TOX: variants seen among roughly 807,000 people sequenced by gnomAD.
The protein encoded by TOX is thymocyte selection associated high mobility group box, also known as thymocyte selection-associated high mobility group box protein TOX.
TOX carries 11 observed loss-of-function variants against 53.7 expected under a neutral mutation model. The observed-to-expected ratio is 0.20, with a 90% CI of 0.13 to 0.34. TOX has a LOEUF of 0.34. TOX is among the 10% of genes least tolerant of loss of function. TOX has a pLI of 1.00. For missense variants in TOX, 570 were observed against 664.6 expected, an observed-to-expected ratio of 0.86 and a Z score of 1.56; for synonymous variants, 225 against 245.3, an observed-to-expected ratio of 0.92 and a Z score of 0.77.
At chr8:58,981,128 G>A (rs1178436541) in intron 1 of TOX, among the ~76,000 whole-genome samples, 9 of 152,146 alleles carry the variant, frequency 5.9e-5, no homozygotes. Context: ...GTAGGCACTG[G>A]TAGTAATGTG....
intron 1 of TOX, among the ~76,000 whole-genome samples, chr8:59,081,506 T>C (rs1804407927): frequency 6.6e-6 from 1 of 152,212 alleles, no homozygotes; most frequent in Non-Finnish European, 1.5e-5. Context: ...TTTAAGTTTG[T>C]TACAGTGCAA....
intron 1 of TOX, among the ~76,000 whole-genome samples, chr8:59,116,444 A>G (rs1347705686): frequency 3.3e-5 from 5 of 152,206 alleles, no homozygotes; most frequent in African/African-American, 1.2e-4. Context: ...CACTCATGTC[A>G]TTGCAAAAAC....
At chr8:58,886,240 T>G (rs1474097117) in intron 3 of TOX, among the ~76,000 whole-genome samples, 1 of 152,122 alleles carries the variant, frequency 6.6e-6, no homozygotes, top group Non-Finnish European at 1.5e-5. Flanking sequence ...CCCTCATACA[T>G]GCTAAATTCT....
intron 5 of TOX, among the ~76,000 whole-genome samples, chr8:58,836,216 G>C (rs1201476293): frequency 6.6e-6 from 1 of 152,114 alleles, no homozygotes; most frequent in Non-Finnish European, 1.5e-5. Context: ...TGGGATTGCT[G>C]GTTGGAATAC....
intron 2 of TOX, among the ~76,000 whole-genome samples, chr8:58,942,662 T>C (rs1303738003): frequency 6.6e-6 from 1 of 152,238 alleles, no homozygotes; most frequent in African/African-American, 2.4e-5. Flanking sequence ...CATTGGTTTC[T>C]ATGACATGAG....
At chr8:58,966,629 ATATACT>A (rs1260282666) in intron 1 of TOX, among the ~76,000 whole-genome samples, 6 of 152,074 alleles carry the variant, frequency 3.9e-5, no homozygotes, top group South Asian at 4.2e-4. Flanking sequence ...TGTCCCAGTG[ATATACT>A]TATTTGGAGG....
chr8:59,099,767 T>TAATGTAATTACAGTTTGGGAGTG (rs1804773011), intron 1 of TOX, among the ~76,000 whole-genome samples: 3 of 152,220 alleles, frequency 2.0e-5, no homozygotes, highest in Admixed American at 6.5e-5. Flanking sequence ...TAAGTTGTTG[T>TAATGTAATTACAGTTTGGGAGTG]AATGTAATTA....
In TOX at chr8:58,815,429, T is replaced by G; in HGVS notation, c.1301A>C (p.Gln434Pro). 6.2e-7 allele frequency: 1 copy of G among 1,614,068 alleles called. No homozygotes were observed. Reference protein sequence around the residue: ...SPPLHQHLNMQQHQPLTMQQP... With the variant: ...SPPLHQHLNMPQHQPLTMQQP... ...CTGCATGGTGAGCGGCTGGTGCTGC[T>G]GCATGTTGAGATGCTGGTGAAGAGG... Residue 434 changes from glutamine (Q) to proline (P), a missense_variant, in exon 7 of 9, where the codon CAG (glutamine) becomes CCG (proline). Gln to Pro is a moderately conservative substitution (Grantham distance 76). Transcript: ENST00000361421.
At chr8:58,949,014 A>G (rs1243536470) in intron 2 of TOX, among the ~76,000 whole-genome samples, 1 of 152,206 alleles carries the variant, frequency 6.6e-6, no homozygotes, top group Non-Finnish European at 1.5e-5. Flanking sequence ...GAAATGCTGA[A>G]TACAGATCTC....
At chr8:58,869,038 C>T (rs1414217204) in intron 3 of TOX, among the ~76,000 whole-genome samples, 1 of 151,798 alleles carries the variant, frequency 6.6e-6, no homozygotes, top group African/African-American at 2.4e-5. Flanking sequence ...ATAATCCTGG[C>T]CAACATGGTG....
chr8:58,827,445 C>G (rs1346356535), intron 5 of TOX, among the ~76,000 whole-genome samples: 3 of 152,132 alleles, frequency 2.0e-5, no homozygotes, highest in Non-Finnish European at 4.4e-5. Context: ...TTCAAAGACT[C>G]AGGAAACAGT....
intron 1 of TOX, among the ~76,000 whole-genome samples, chr8:59,064,413 A>G (rs1485675033): frequency 6.6e-6 from 1 of 152,248 alleles, no homozygotes; most frequent in Non-Finnish European, 1.5e-5. Flanking sequence ...ACTTTTCAAC[A>G]AATTAAAATG....
chr8:59,075,335 C>T (rs1056487564), intron 1 of TOX, among the ~76,000 whole-genome samples: 12 of 152,144 alleles, frequency 7.9e-5, no homozygotes, highest in East Asian at 1.9e-4. Flanking sequence ...GACTCTCTGA[C>T]CTTCCCCCAA....
At chr8:58,855,876 A>G (rs1810905672) in intron 3 of TOX, among the ~76,000 whole-genome samples, 1 of 152,148 alleles carries the variant, frequency 6.6e-6, no homozygotes, top group African/African-American at 2.4e-5. Context: ...GTCATTATTC[A>G]ATTACCATTT....
intron 6 of TOX, among the ~76,000 whole-genome samples, chr8:58,819,644 A>G (rs886909474): frequency 6.6e-6 from 1 of 152,252 alleles, no homozygotes; most frequent in Non-Finnish European, 1.5e-5. Context: ...TACTGAAGGT[A>G]GCTTCAATCC....
At chr8:58,885,740 G>T (rs1391449541) in intron 3 of TOX, among the ~76,000 whole-genome samples, 3 of 152,132 alleles carry the variant, frequency 2.0e-5, no homozygotes, top group African/African-American at 7.2e-5. Context: ...AGTCTGGTGT[G>T]TTTGCTGTGT....
chr8:58,975,940 C>T (rs1813090260), intron 1 of TOX, among the ~76,000 whole-genome samples: 1 of 152,186 alleles, frequency 6.6e-6, no homozygotes, highest in Non-Finnish European at 1.5e-5. Context: ...GGCGTGATGG[C>T]GTGTGCCTGT....
chr8:59,118,592 A>AT lies in TOX; in HGVS notation c.102+293dup, dbSNP rs537925547. On this transcript the variant is annotated intron_variant, in intron 1 of 8. Coordinates refer to ENST00000361421, the MANE Select transcript of TOX (RefSeq NM_014729.3). This position sits in a 1 kb window ranked among gnomAD's most constrained non-coding sequence, Gnocchi z 4.1. ...AAGTATTCCACGGTTTTCTCTTATT[A>AT]TTTTTTTAAACGCCCCCCGGCAAAC... Among the ~76,000 whole-genome samples, 23 of 152,138 alleles carry AT rather than the reference A, an allele frequency of 1.5e-4. No homozygotes were observed. The East Asian group carries it at 4.5e-3, about 30-fold the overall frequency.
intron 1 of TOX, among the ~76,000 whole-genome samples, chr8:59,098,445 C>A (rs17305179): frequency 6.7e-6 from 1 of 150,266 alleles, no homozygotes; most frequent in Admixed American, 6.6e-5. Context: ...TTTTCCAAAC[C>A]AAAACCTTCT....
Sources: gnomAD v4.1 joint callset for allele counts (sites outside exome capture counted in the v4.1 genomes callset) on GRCh38, gnomAD v4.1.1 for gene constraint, Gnocchi (gnomAD v3.1) non-coding constraint, MANE v1.5 for transcripts, NCBI Gene and HGNC (gene_info 2026-07-23, HGNC 2026-07-21) for gene names.